SYNPR: variants seen among roughly 807,000 people sequenced by gnomAD.
SYNPR encodes the protein synaptoporin.
SYNPR carries 23 observed loss-of-function variants against 32.9 expected under a neutral mutation model. The observed-to-expected ratio is 0.70, with a 90% confidence interval of 0.50 to 0.99. The LOEUF (loss-of-function observed/expected upper bound fraction) is 0.99. SYNPR is among the 50% of genes least tolerant of loss of function. The pLI is 0.00. For missense variants in SYNPR, 318 were observed against 349.3 expected, an observed-to-expected ratio of 0.91 and a Z score of 0.71; for synonymous variants, 146 against 135.9, an observed-to-expected ratio of 1.07 and a Z score of -0.52.
intron 2 of SYNPR, among the ~76,000 whole-genome samples, chr3:63,335,067 A>G (rs1156718836): frequency 1.3e-5 from 2 of 152,178 alleles, no homozygotes; most frequent in Non-Finnish European, 2.9e-5. Context: ...ATTAAAAGAA[A>G]TGGCAGGCCT....
At chr3:63,259,507 T>C (rs1286769137) in intron 2 of SYNPR, among the ~76,000 whole-genome samples, 2 of 152,146 alleles carry the variant, frequency 1.3e-5, no homozygotes, top group Admixed American at 6.5e-5. Context: ...GAAAAGGCCT[T>C]TGACAAAATT....
intron 2 of SYNPR, among the ~76,000 whole-genome samples, chr3:63,456,374 G>A (rs974629795): frequency 7.2e-5 from 11 of 152,112 alleles, no homozygotes; most frequent in Admixed American, 7.2e-4. Context: ...GTACCTTTAA[G>A]CCTCTCCAGG....
chr3:63,599,405 C>G (rs930069230), intron 4 of SYNPR, among the ~76,000 whole-genome samples: 1 of 152,152 alleles, frequency 6.6e-6, no homozygotes, highest in African/African-American at 2.4e-5. Context: ...TATATTTTTA[C>G]TGTACCTTTT....
chr3:63,443,823 G>A (rs1700223525), intron 2 of SYNPR, among the ~76,000 whole-genome samples: 1 of 152,084 alleles, frequency 6.6e-6, no homozygotes, highest in African/African-American at 2.4e-5. Flanking sequence ...TACATTCATT[G>A]TGCTGCAACC....
chr3:63,284,478 A>G (rs1313471626), intron 2 of SYNPR, among the ~76,000 whole-genome samples: 3 of 152,126 alleles, frequency 2.0e-5, no homozygotes, highest in Admixed American at 2.0e-4. Context: ...TAATTTTGCA[A>G]TACCTTCTGC....
At chr3:63,454,000 GTTTAA>G (rs1345698989) in intron 2 of SYNPR, among the ~76,000 whole-genome samples, 1 of 152,070 alleles carries the variant, frequency 6.6e-6, no homozygotes, top group African/African-American at 2.4e-5. Flanking sequence ...TTGAAGTAAT[GTTTAA>G]TTTAATTTAG....
intron 2 of SYNPR, among the ~76,000 whole-genome samples, chr3:63,291,566 A>G (rs1378767573): frequency 6.6e-6 from 1 of 151,334 alleles, no homozygotes; most frequent in Non-Finnish European, 1.5e-5. Context: ...CATCAACTAG[A>G]GTTTAGGTAA....
Position 63,615,407 on chromosome 3 carries a change from G to T in SYNPR, c.784G>T (p.Ala262Ser), listed in dbSNP as rs761569002. 3.1e-6 allele frequency: 5 copies of T among 1,613,932 alleles called. No homozygotes were observed. Among genetic ancestry groups the T allele is most frequent in the Non-Finnish European group, 4.2e-6 (5 of 1,179,868 alleles). The part of the protein sequence containing the change: ...YGSSSGYSQQ[A>S]SLGPTSDEFG... ...ATCAAGCAGTGGGTACAGTCAGCAG[G>T]CGAGTTTGGGGCCAACCTCAGATGA... Residue 262 changes from alanine (A) to serine (S), a missense_variant, in exon 6 of 6, where the codon GCG becomes TCG. By Grantham distance (99) the Ala-to-Ser change is moderately conservative (BLOSUM62 1). Transcript: ENST00000478300.
chr3:63,210,160 G>A, the SYNPR span, among the ~76,000 whole-genome samples: 1 of 152,122 alleles, frequency 6.6e-6, no homozygotes, highest in African/African-American at 2.4e-5. Flanking sequence ...TCACTATATA[G>A]CTCTAATTCA....
intron 4 of SYNPR, among the ~76,000 whole-genome samples, chr3:63,582,320 G>A (rs371894589): frequency 9.9e-5 from 15 of 151,930 alleles, no homozygotes; most frequent in South Asian, 2.1e-4. Context: ...AAGAACCTTC[G>A]CTTTTTTTAG....
intron 2 of SYNPR, among the ~76,000 whole-genome samples, chr3:63,410,851 T>C (rs2088455377): frequency 6.6e-6 from 1 of 152,058 alleles, no homozygotes; most frequent in South Asian, 2.1e-4. Context: ...ACAGTGATGG[T>C]TGGGTTGAGT....
chr3:63,557,535 G>T (rs750654861), intron 4 of SYNPR, among the ~76,000 whole-genome samples: 1 of 152,206 alleles, frequency 6.6e-6, no homozygotes, highest in African/African-American at 2.4e-5. Context: ...TGGTGCTGGT[G>T]TTGACAAAAG....
intron 1 of SYNPR, among the ~76,000 whole-genome samples, chr3:63,234,805 T>G (rs904484394): frequency 6.6e-6 from 1 of 152,216 alleles, no homozygotes; most frequent in African/African-American, 2.4e-5. Flanking sequence ...GATGCTGTTT[T>G]GTATTTGTTA....
At chr3:63,325,423 T>C (rs1391066487) in intron 2 of SYNPR, among the ~76,000 whole-genome samples, 1 of 152,178 alleles carries the variant, frequency 6.6e-6, no homozygotes, top group Non-Finnish European at 1.5e-5. Flanking sequence ...AAAGGTCCGA[T>C]GCAGCATGTG....
upstream of SYNPR, among the ~76,000 whole-genome samples, chr3:63,226,825 T>C (rs1407254570): frequency 2.0e-5 from 3 of 152,046 alleles, no homozygotes; most frequent in African/African-American, 7.2e-5. Context: ...AACAAAAAAA[T>C]ACTGTATACT....
chr3:63,295,858 G>A (rs2086788030), intron 2 of SYNPR, among the ~76,000 whole-genome samples: 1 of 152,124 alleles, frequency 6.6e-6, no homozygotes, highest in Non-Finnish European at 1.5e-5. Flanking sequence ...CCTTAACCCT[G>A]CCCCCATCTA....
At chr3:63,370,007 AT>A (rs2087776027) in intron 2 of SYNPR, among the ~76,000 whole-genome samples, 1 of 152,180 alleles carries the variant, frequency 6.6e-6, no homozygotes, top group African/African-American at 2.4e-5. Flanking sequence ...GAGTTACTTC[AT>A]TTGAATCTTA....
chr3:63,590,990 A>C (rs1310910403), intron 4 of SYNPR, among the ~76,000 whole-genome samples: 1,840 of 147,112 alleles, frequency 0.013, 30 homozygotes, highest in African/African-American at 0.044. Context: ...TCTGCATAGC[A>C]AAAGAAACTA....
upstream of SYNPR, among the ~76,000 whole-genome samples, chr3:63,227,514 T>C (rs2086137538): frequency 6.6e-6 from 1 of 152,148 alleles, no homozygotes; most frequent in Non-Finnish European, 1.5e-5. Context: ...GGTATATTTT[T>C]CTCACACTGG....
Sources: gnomAD v4.1 joint callset for allele counts (sites outside exome capture counted in the v4.1 genomes callset) on GRCh38, gnomAD v4.1.1 for gene constraint, MANE v1.5 for transcripts, NCBI Gene and HGNC (gene_info 2026-07-23, HGNC 2026-07-21) for gene names.